Variants in ARHGEF4 observed in about 807,000 individuals in gnomAD.
ARHGEF4 encodes Rho guanine nucleotide exchange factor 4, also known as APC-stimulated guanine nucleotide exchange factor 1.
A neutral mutation model predicts 162.0 loss-of-function variants in ARHGEF4; 119 were observed. The observed-to-expected ratio is 0.73, with a 90% CI of 0.63 to 0.86. ARHGEF4 has a LOEUF of 0.86. Ranked by LOEUF, ARHGEF4 falls within the 40% of genes least tolerant of loss-of-function variation. ARHGEF4 has a pLI of 0.00. For missense variants in ARHGEF4, 2,488 were observed against 2,456.0 expected, an observed-to-expected ratio of 1.01 and a Z score of -0.28; for synonymous variants, 1,014 against 979.9, an observed-to-expected ratio of 1.03 and a Z score of -0.65.
At chr2:130,955,346 T>G (rs1684202424) in intron 4 of ARHGEF4, among the ~76,000 whole-genome samples, 1 of 152,206 alleles carries the variant, frequency 6.6e-6, no homozygotes, top group African/African-American at 2.4e-5. Flanking sequence ...CCTTTGCATA[T>G]GTCATAATTT....
chr2:130,889,340 GTTAA>G (rs900640680), intron 1 of ARHGEF4, among the ~76,000 whole-genome samples: 5 of 151,876 alleles, frequency 3.3e-5, no homozygotes, highest in East Asian at 3.9e-4. Context: ...GGTCCTAGAT[GTTAA>G]TTGTTATTTT....
Position 130,915,619 on chromosome 2 carries a change from A to T in ARHGEF4, c.1673A>T (p.Lys558Ile), listed in dbSNP as rs1420264701. 6 of 1,550,402 alleles carry T rather than the reference A, an allele frequency of 3.9e-6. No individual in the cohort carries two copies. The highest frequency in any genetic ancestry group is 5.2e-6 in the Non-Finnish European group (6 of 1,146,984). The change falls in exon 2 of 14, where the codon AAA becomes ATA. Residue 558 changes from lysine to isoleucine, a missense_variant. By Grantham distance (102) the Lys-to-Ile change is moderately radical. Around this residue, in one of 6 missense-constraint regions of ARHGEF4, gnomAD observed 1,642 missense variants for 1,481.5 expected, o/e 1.11. Transcript: ENST00000409359. ...DSSDAPETTQ[K>I]SSAIDTSKAA... ...TCAGATGCCCCTGAGACCACCCAGA[A>T]ATCAAGCGCAATAGACACTTCAAAG...
At chr2:130,999,384 C>A (rs1687620761) in intron 4 of ARHGEF4, among the ~76,000 whole-genome samples, 1 of 152,036 alleles carries the variant, frequency 6.6e-6, no homozygotes, top group South Asian at 2.1e-4. Context: ...TCTCGATCTC[C>A]TGACCTTGTG....
chr2:130,990,263 A>G (rs1376395457), intron 4 of ARHGEF4, among the ~76,000 whole-genome samples: 2 of 152,206 alleles, frequency 1.3e-5, no homozygotes, highest in South Asian at 2.1e-4. Context: ...ATGTCTTACA[A>G]ACAGTTTGAA....
intron 1 of ARHGEF4, among the ~76,000 whole-genome samples, chr2:130,844,684 T>C (rs1482367799): frequency 1.3e-5 from 2 of 152,066 alleles, no homozygotes; most frequent in East Asian, 1.9e-4. Context: ...GGCACCTTCA[T>C]GTAACCCCTT....
chr2:131,010,163 T>C (rs574754750), intron 4 of ARHGEF4, among the ~76,000 whole-genome samples: 103 of 152,358 alleles, frequency 6.8e-4, no homozygotes, highest in Middle Eastern at 3.4e-3. Context: ...CTCTTTGTTC[T>C]GAGATTGTCC....
intron 4 of ARHGEF4, among the ~76,000 whole-genome samples, chr2:130,968,875 G>A (rs924654247): frequency 6.6e-6 from 1 of 152,076 alleles, no homozygotes; most frequent in African/African-American, 2.4e-5. Context: ...CCGAGACTGC[G>A]CCACTGCACT....
chr2:131,005,375 C>T (rs1166138041), intron 4 of ARHGEF4, among the ~76,000 whole-genome samples: 3 of 152,168 alleles, frequency 2.0e-5, no homozygotes, highest in Admixed American at 6.5e-5. Context: ...GTGTCCCACA[C>T]AGGGCTGCCC....
In ARHGEF4 at chr2:130,914,288, T is replaced by A. The variant is rs1281003651; in HGVS notation, c.342T>A (p.Pro114=). Residue 114 remains proline (P), a synonymous_variant, in exon 2 of 14, where the codon CCT becomes CCA. Coordinates refer to ENST00000409359, the MANE Select transcript of ARHGEF4 (RefSeq NM_001367493.1). The part of the protein sequence containing the change: ...EYPDVSATGP[P]QEQHLTSVPG... ...CTGATGTCTCAGCAACTGGACCCCC[T>A]CAGGAGCAGCATTTGACCAGTGTTC... The A allele has an allele frequency of 6.6e-7, 1 of 1,520,146 alleles. No homozygotes were observed. The highest frequency in any genetic ancestry group is 8.8e-7 in the Non-Finnish European group (1 of 1,137,468). 94.2% of individuals were successfully genotyped at this position (1,520,146 alleles called of 1,614,324 possible). A position where few individuals can be genotyped will look rare whatever the true frequency, so the allele number is the denominator to read the frequency against.
intron 5 of ARHGEF4, chr2:131,035,845 G>A: frequency 1.0e-6 from 1 of 985,390 alleles, no homozygotes; most frequent in Non-Finnish European, 1.2e-6. Flanking sequence ...TGGTAGGTGG[G>A]CAGGGTGGGG....
At chr2:130,868,276 A>G (rs1682443881) in intron 1 of ARHGEF4, among the ~76,000 whole-genome samples, 1 of 151,962 alleles carries the variant, frequency 6.6e-6, no homozygotes, top group African/African-American at 2.4e-5. Context: ...AGTCTCCTGG[A>G]CGTCTTTTCC....
chr2:130,849,754 GAC>G (rs1050033087), intron 1 of ARHGEF4, among the ~76,000 whole-genome samples: 17 of 151,914 alleles, frequency 1.1e-4, no homozygotes, highest in Non-Finnish European at 2.1e-4. Context: ...TTTTAGTAGA[GAC>G]AGTGTTTCAC....
At chr2:130,964,255 G>T in intron 4 of ARHGEF4, 1 of 985,804 alleles carries the variant, frequency 1.0e-6, no homozygotes. Flanking sequence ...CGCCGGTAAG[G>T]ACGCCGCCAT....
chr2:130,983,027 A>C (rs1686235619), intron 4 of ARHGEF4, among the ~76,000 whole-genome samples: 1 of 152,374 alleles, frequency 6.6e-6, no homozygotes, highest in African/African-American at 2.4e-5. Flanking sequence ...TTTCAGAAAC[A>C]TATTTTCCTA....
rs563615111 is a variant in ARHGEF4 at position 130,854,759 on chromosome 2, G to A, written c.39+17767G>A. ...AATGGGGATGTCATCAGGAAAAGCA[G>A]GCCCCCACCCCCAGCTCTGTGTTCT... On this transcript the variant is annotated intron_variant, in intron 1 of 13. Coordinates refer to ENST00000409359, the MANE Select transcript of ARHGEF4 (RefSeq NM_001367493.1). 8.9e-4 allele frequency among the ~76,000 whole-genome samples: 136 copies of A among 152,290 alleles called. 4 individuals are homozygous for A. The highest frequency in any genetic ancestry group is 8.6e-3 in the Admixed American group (131 of 15,296).
chr2:131,040,087 C>T lies in ARHGEF4; in HGVS notation c.4377C>T (p.Gly1459=), dbSNP rs921679020. The T allele has an allele frequency of 6.2e-7, 1 of 1,606,710 alleles. No homozygotes were observed. Among genetic ancestry groups the T allele is most frequent in the Non-Finnish European group, 8.5e-7 (1 of 1,176,736 alleles). Residue 1459 remains glycine (G), a synonymous_variant, in exon 7 of 14, where the codon GGC becomes GGT. Transcript: ENST00000409359. The part of the protein sequence containing the change: ...PLAGNSGAED[G]GAEAQSSKDQ... ...CCGGGAACAGCGGAGCGGAGGACGG[C>T]GGGGCGGAGGCGCAGAGCAGCAAGG...
Position 130,914,094 on chromosome 2 carries a change from C to A in ARHGEF4, c.148C>A (p.Arg50Ser), listed in dbSNP as rs949392681. ...VEQGWNQQTDRDDSETLSQQS... is the reference protein window; with the variant it reads ...VEQGWNQQTDSDDSETLSQQS... Reference sequence around the variant, plus strand: ...GCAGGGATGGAACCAGCAAACAGACCGCGATGATTCTGAAACGCTGTCCCA... The same window carrying A: ...GCAGGGATGGAACCAGCAAACAGACAGCGATGATTCTGAAACGCTGTCCCA... Residue 50 changes from arginine (R) to serine (S), a missense_variant, in exon 2 of 14, where the codon CGC becomes AGC. By Grantham distance (110) the Arg-to-Ser change is moderately radical. Coordinates refer to ENST00000409359, the MANE Select transcript of ARHGEF4 (RefSeq NM_001367493.1). 6.5e-7 allele frequency: 1 copy of A among 1,536,086 alleles called. No homozygotes were observed. The highest frequency in any genetic ancestry group is 2.4e-5 in the East Asian group (1 of 40,914).
At chr2:131,008,622 T>C (rs543710730) in intron 4 of ARHGEF4, among the ~76,000 whole-genome samples, 12 of 152,142 alleles carry the variant, frequency 7.9e-5, no homozygotes, top group Non-Finnish European at 1.2e-4. Context: ...TTCTGTTTTG[T>C]TTTGGATTAA....
Position 130,916,535 on chromosome 2 carries a change from T to C in ARHGEF4, c.2589T>C (p.Ala863=). The stretch of plus-strand genomic sequence containing the variant: ...CCTGGCCCGAGTTTGTCCCGCAGGC[T>C]GCAGGCGACAGGACTGCAGGGCCGG... ...ASAWPEFVPQ[A]AGDRTAGPAG... Residue 863 remains alanine (A), a synonymous_variant, in exon 2 of 14, where the codon GCT becomes GCC. Transcript: ENST00000409359. 1 of 1,549,970 alleles carries C rather than the reference T, an allele frequency of 6.5e-7. No individual in the cohort carries two copies. The highest frequency in any genetic ancestry group is 8.7e-7 in the Non-Finnish European group (1 of 1,146,914).
Sources: allele counts gnomAD v4.1 joint callset (sites outside exome capture counted in the v4.1 genomes callset), GRCh38; gene constraint gnomAD v4.1.1; regional missense constraint gnomAD v4.1.1; transcripts MANE v1.5; gene names NCBI Gene and HGNC (gene_info 2026-07-23, HGNC 2026-07-21).